The following FMR1NB variants were observed in gnomAD, a reference collection of about 807,000 sequenced individuals.
The protein encoded by FMR1NB is FMR1 neighbor protein.
A neutral mutation model predicts 16.8 loss-of-function variants in FMR1NB; 10 were observed. The observed-to-expected ratio is 0.60, with a 90% CI of 0.37 to 1.01. FMR1NB has a LOEUF of 1.01. Among genes scored for constraint, FMR1NB ranks in the 50% least tolerant of loss-of-function variants. The probability of loss-of-function intolerance (pLI) is 0.01; values close to 1 mark genes in which losing one functional copy is unlikely to be tolerated. For synonymous variants in FMR1NB, 83 were observed against 79.1 expected, an observed-to-expected ratio of 1.05 and a Z score of -0.26; for missense variants, 205 against 204.8, an observed-to-expected ratio of 1.00 and a Z score of 0.00.
At chrX:148,021,304 T>A (rs1052498938) in intron 4 of FMR1NB, among the ~76,000 whole-genome samples, 11 of 111,027 alleles carry the variant, frequency 9.9e-5, no homozygotes, top group South Asian at 3.8e-4. Context: ...TTCAAGACTG[T>A]CTTTCCTACT....
At chrX:148,015,209 C>G (rs1280566599) in intron 4 of FMR1NB, among the ~76,000 whole-genome samples, 1 of 110,848 alleles carries the variant, frequency 9.0e-6, no homozygotes, top group Non-Finnish European at 1.9e-5. Flanking sequence ...TTTGGGTATT[C>G]TCTCTTGTTT....
Position 148,024,929 on chromosome X carries a change from A to G in FMR1NB, c.697A>G (p.Arg233Gly), listed in dbSNP as rs782635649. 49 of 1,211,309 alleles carry G rather than the reference A, an allele frequency of 4.0e-5. No homozygotes were observed. The highest frequency in any genetic ancestry group is 4.6e-5 in the Non-Finnish European group (41 of 895,111). Residue 233 changes from arginine (R) to glycine (G), a missense_variant, in exon 5 of 6, where the codon AGG becomes GGG. Arg to Gly is a moderately radical substitution (Grantham distance 125). Coordinates refer to ENST00000370467, the MANE Select transcript of FMR1NB (RefSeq NM_152578.3). ...RVVTGLKKQR[R>G]KRKRKSEMLQ... ...TGTAACGGGTTTGAAGAAACAAAGA[A>G]GGAAGCGAAAGAGGAAGTCTGAAAT...
chrX:147,986,074 G>C (rs1190966087), intron 1 of FMR1NB, among the ~76,000 whole-genome samples: 10 of 112,553 alleles, frequency 8.9e-5, no homozygotes, highest in Middle Eastern at 4.6e-3. Flanking sequence ...GACCAGTGAT[G>C]ATGAGCTTCT....
intron 1 of FMR1NB, among the ~76,000 whole-genome samples, chrX:147,982,912 T>C (rs1557186790): frequency 9.0e-6 from 1 of 111,633 alleles, no homozygotes; most frequent in East Asian, 2.8e-4. Context: ...GAAAAAAAAA[T>C]TGAAGTGAAA....
At chrX:147,985,525 C>A (rs945769346) in intron 1 of FMR1NB, among the ~76,000 whole-genome samples, 1 of 110,307 alleles carries the variant, frequency 9.1e-6, no homozygotes, top group South Asian at 3.9e-4. Context: ...GTGTCCATGT[C>A]TTCTCATTGT....
intron 1 of FMR1NB, among the ~76,000 whole-genome samples, chrX:148,000,611 A>C (rs2044565906): frequency 8.9e-6 from 1 of 112,264 alleles, no homozygotes; most frequent in South Asian, 3.7e-4. Context: ...GGGAAATATC[A>C]TCATGGCAGT....
chrX:147,990,039 GAA>G (rs200206178), intron 1 of FMR1NB, among the ~76,000 whole-genome samples: 14,012 of 87,573 alleles, frequency 0.16, 1,544 homozygotes, highest in African/African-American at 0.38. Flanking sequence ...ACTGGGCTAA[GAA>G]AAAAAAAAAA....
At chrX:147,985,304 A>T (rs2044470590) in intron 1 of FMR1NB, among the ~76,000 whole-genome samples, 1 of 111,460 alleles carries the variant, frequency 9.0e-6, no homozygotes, top group Non-Finnish European at 1.9e-5. Flanking sequence ...TTGTTGAAAC[A>T]TTTTATTTTT....
rs782575362 is a variant in FMR1NB at position 148,024,910 on chromosome X, G to C, written c.678G>C (p.Thr226=). The change falls in exon 5 of 6, where the codon ACG becomes ACC. Residue 226 remains threonine, a synonymous_variant. Transcript: ENST00000370467. ...AAAGGCAGGACAACAGAGTTGTAAC[G>C]GGTTTGAAGAAACAAAGAAGGAAGC... is the stretch of plus-strand genomic sequence containing the variant. ...DLQRQDNRVV[T]GLKKQRRKRK... is the part of the protein sequence containing the mutation. The C allele has an allele frequency of 1.7e-6, 2 of 1,209,246 alleles. No individual in the cohort carries two copies. Among genetic ancestry groups the C allele is most frequent in the East Asian group, 3.0e-5 (1 of 33,765 alleles).
At chrX:148,022,119 C>T (rs1557190641) in intron 4 of FMR1NB, among the ~76,000 whole-genome samples, 1 of 111,536 alleles carries the variant, frequency 9.0e-6, no homozygotes, top group Non-Finnish European at 1.9e-5. Context: ...CCATGCCACT[C>T]TACTAGATGT....
chrX:148,002,572 T>G (rs1265882675), intron 1 of FMR1NB, among the ~76,000 whole-genome samples: 1 of 112,409 alleles, frequency 8.9e-6, no homozygotes, highest in Non-Finnish European at 1.9e-5. Flanking sequence ...CAATAAATTG[T>G]AAACAGCCTA....
intron 1 of FMR1NB, among the ~76,000 whole-genome samples, chrX:147,996,648 T>G (rs1557188182): frequency 9.0e-6 from 1 of 111,343 alleles, no homozygotes; most frequent in African/African-American, 3.3e-5. Context: ...TCATTTAAAA[T>G]TCATGGTTTT....
intron 1 of FMR1NB, among the ~76,000 whole-genome samples, chrX:147,990,720 G>A (rs2044500057): frequency 9.0e-6 from 1 of 111,066 alleles, no homozygotes; most frequent in Non-Finnish European, 1.9e-5. Context: ...TTTGTTATAG[G>A]TATTCTTTGA....
intron 1 of FMR1NB, among the ~76,000 whole-genome samples, chrX:147,988,925 C>A (rs983742286): frequency 1.8e-5 from 2 of 111,369 alleles, no homozygotes; most frequent in South Asian, 7.6e-4. Context: ...TGTCAAGATT[C>A]TTAGCTTCCT....
chrX:147,981,620 T>G lies in FMR1NB; in HGVS notation c.218T>G (p.Met73Arg), dbSNP rs1208780394. 1.7e-6 allele frequency: 2 copies of G among 1,207,352 alleles called. No homozygotes were observed. Among genetic ancestry groups the G allele is most frequent in the Non-Finnish European group, 2.2e-6 (2 of 894,422 alleles). Reference protein sequence around the residue: ...MRVSKPFGMLMLSIWILLFVC... With the variant: ...MRVSKPFGMLRLSIWILLFVC... ...GTCAGCAAACCCTTTGGGATGCTCA[T>G]GCTCTCCATTTGGATCCTGCTGTTC... The change falls in exon 1 of 6, where the codon ATG becomes AGG. Residue 73 changes from methionine (M) to arginine (R), a missense_variant. Coordinates refer to ENST00000370467, the MANE Select transcript of FMR1NB (RefSeq NM_152578.3).
chrX:148,008,094 G>A (rs1479036478), intron 3 of FMR1NB: 1 of 112,059 alleles, frequency 8.9e-6, no homozygotes, highest in Non-Finnish European at 1.9e-5. Context: ...TTGTAATTTG[G>A]AAGTAAACCT....
chrX:147,987,343 A>C (rs1393046886), intron 1 of FMR1NB, among the ~76,000 whole-genome samples: 1 of 112,127 alleles, frequency 8.9e-6, no homozygotes, highest in Non-Finnish European at 1.9e-5. Context: ...TGCTTTGGCC[A>C]GAACTTCCAA....
chrX:148,008,916 AC>A (rs2044610217), intron 4 of FMR1NB, among the ~76,000 whole-genome samples: 2 of 112,063 alleles, frequency 1.8e-5, no homozygotes, highest in Admixed American at 9.5e-5. Flanking sequence ...ACGGTGGCTC[AC>A]GCCTGTAATC....
At chrX:147,987,298 A>G (rs1317090164) in intron 1 of FMR1NB, among the ~76,000 whole-genome samples, 2 of 111,598 alleles carry the variant, frequency 1.8e-5, no homozygotes, top group African/African-American at 6.5e-5. Context: ...CTCTCTTCCT[A>G]TTTGAATACA....
Sources: gnomAD v4.1 joint callset for allele counts (sites outside exome capture counted in the v4.1 genomes callset) on GRCh38, gnomAD v4.1.1 for gene constraint, MANE v1.5 for transcripts, NCBI Gene and HGNC (gene_info 2026-07-23, HGNC 2026-07-21) for gene names.